Variants in ADAD2 observed in about 807,000 individuals in gnomAD.
ADAD2 encodes adenosine deaminase domain containing 2.
ADAD2 carries 60 observed loss-of-function variants against 54.5 expected under a neutral mutation model. The ratio of observed to expected loss-of-function variants is 1.10; its 90% confidence interval spans 0.89 to 1.36. The LOEUF (loss-of-function observed/expected upper bound fraction) is 1.36, where lower values mean the gene tolerates loss of function less well. Among genes scored for constraint, ADAD2 ranks in the 40% most tolerant of loss-of-function variants. ADAD2 has a pLI of 0.00. For synonymous variants in ADAD2, 543 were observed against 366.2 expected (o/e 1.48, Z -5.51); for missense variants, 1,103 against 801.3 (o/e 1.38, Z -4.54).
At position 84,191,613 on chromosome 16, in the gene ADAD2, G is replaced by A; in HGVS notation, c.383G>A (p.Gly128Asp). 2 of 1,553,984 alleles carry A rather than the reference G, an allele frequency of 1.3e-6. No individual in the cohort carries two copies. Among genetic ancestry groups the A allele is most frequent in the Non-Finnish European group, 8.7e-7 (1 of 1,149,102 alleles). The change falls in exon 1 of 10, where the codon GGC becomes GAC. Residue 128 changes from glycine to aspartate, a missense_variant. Transcript: ENST00000315906. ...SLLTEYAASL[G>D]IFLLFREDQP... ...CTCACGGAGTACGCGGCCAGCCTGG[G>A]CATCTTCCTGCTCTTCCGGGAGGAC...
intron 1 of ADAD2, chr16:84,191,889 A>T (rs554843955): frequency 7.8e-6 from 5 of 641,148 alleles, no homozygotes; most frequent in African/African-American, 1.8e-5. Context: ...GCAGGTGAAC[A>T]TTCTTCCCAC....
At chr16:84,193,972 T>A in intron 1 of ADAD2, 1 of 1,528,812 alleles carries the variant, frequency 6.5e-7, no homozygotes, top group Non-Finnish European at 8.8e-7. Context: ...TCTTTTGTGT[T>A]ATAAGTAACA....
At position 84,195,200 on chromosome 16, in the gene ADAD2, G is replaced by C. The variant is rs1358745785; in HGVS notation, c.733+6G>C. 6.2e-7 allele frequency: 1 copy of C among 1,612,190 alleles called. No individual in the cohort carries two copies. The highest frequency in any genetic ancestry group is 1.1e-5 in the South Asian group (1 of 91,004). ...TGGAGTCATCCTGGAGAGGGGTAGG[G>C]ATCGCCCCAGCCCTGGCCCTGGCCC... On this transcript the variant is annotated splice_donor_region_variant and intron_variant, in intron 4 of 9. Transcript: ENST00000315906.
rs745963777 is a variant in ADAD2 at position 84,194,449 on chromosome 16, C to T, written c.426C>T (p.Cys142=). ...ACCTGGCTCCTTCCCCAGGTCCCTG[C>T]TTCCCCTTCTCGGTGAGCGCGGAAC... ...LFREDQPPGP[C]FPFSVSAELD... is the part of the protein sequence containing the mutation. Residue 142 remains cysteine, a synonymous_variant, in exon 2 of 10, where the codon TGC becomes TGT. Transcript: ENST00000315906. The T allele has an allele frequency of 7.5e-6, 12 of 1,605,078 alleles. No individual in the cohort carries two copies. The Admixed American group carries it at 1.5e-4, about 20-fold the overall frequency.
intron 1 of ADAD2, chr16:84,193,770 C>G (rs1280553683): frequency 2.3e-6 from 1 of 437,656 alleles, no homozygotes; most frequent in African/African-American, 1.9e-5. Flanking sequence ...CCACGTCTGT[C>G]TGTGGTTGCT....
intron 1 of ADAD2, chr16:84,193,963 C>G (rs953208782): frequency 6.6e-7 from 1 of 1,509,698 alleles, no homozygotes; most frequent in Non-Finnish European, 8.9e-7. Context: ...TTTCATCTCT[C>G]TTTTGTGTTA....
Position 84,191,335 on chromosome 16 carries a change from A to C in ADAD2, c.105A>C (p.Leu35=), listed in dbSNP as rs1567610426. 1 of 1,578,730 alleles carries C rather than the reference A, an allele frequency of 6.3e-7. No homozygotes were observed. The highest frequency in any genetic ancestry group is 8.6e-7 in the Non-Finnish European group (1 of 1,163,546). ...ISPQPRPWRP[L]PAQAQSAWGP... ...CCCAGCCCCGCCCCTGGCGACCGCT[A>C]CCCGCCCAGGCCCAAAGTGCCTGGG... The change falls in exon 1 of 10, where the codon CTA becomes CTC. Residue 35 remains leucine (L), a synonymous_variant. Coordinates refer to ENST00000315906, the MANE Select transcript of ADAD2 (RefSeq NM_001145400.2).
rs1486979959 is a variant in ADAD2, at chr16:84,194,963, T to C, written c.590T>C (p.Leu197Pro). The C allele has an allele frequency of 1.2e-6, 2 of 1,612,368 alleles. No homozygotes were observed. Among genetic ancestry groups the C allele is most frequent in the Non-Finnish European group, 1.7e-6 (2 of 1,179,492 alleles). Residue 197 changes from leucine (L) to proline (P), a missense_variant, in exon 3 of 10, where the codon CTG becomes CCG. Physicochemically the swap from Leu to Pro is moderately conservative, Grantham distance 98. Coordinates refer to ENST00000315906, the MANE Select transcript of ADAD2 (RefSeq NM_001145400.2). ...ESPQTSSRPP[L>P]APLSVENILT... is the part of the protein sequence containing the mutation. ...CCCCAGACCTCCAGCCGGCCTCCACTGGCCCCCCTGAGCGTAGGTAGGTGA... is the reference window on the plus strand; with the variant it reads ...CCCCAGACCTCCAGCCGGCCTCCACCGGCCCCCCTGAGCGTAGGTAGGTGA...
rs751583457 is a variant in ADAD2, at chr16:84,196,364, A to T, written c.1520A>T (p.Lys507Met). 8 of 1,610,880 alleles carry T rather than the reference A, an allele frequency of 5.0e-6. No individual in the cohort carries two copies. The Admixed American group carries it at 1.3e-4, about 27-fold the overall frequency. The change falls in exon 8 of 10, where the codon AAG (lysine) becomes ATG (methionine). Residue 507 changes from lysine (K) to methionine (M), a missense_variant. Lys to Met is a moderately conservative substitution (Grantham distance 95). Transcript: ENST00000315906. ...EVVDVATGRV[K>M]ANAALGPPSR... Reference sequence around the variant, plus strand: ...GTGGATGTGGCCACCGGGCGTGTGAAGGCCAAGTGAGAAGGGCCCCCTGGG... The same window carrying T: ...GTGGATGTGGCCACCGGGCGTGTGATGGCCAAGTGAGAAGGGCCCCCTGGG...
Position 84,195,820 on chromosome 16 carries a change from C to A in ADAD2, c.1058C>A (p.Pro353His). ...TGTCCCCACCCGGCCCGCAGCCTGCCCCCCACCTCGGAAGGTGGCCTCCCG... is the reference window on the plus strand; with the variant it reads ...TGTCCCCACCCGGCCCGCAGCCTGCACCCCACCTCGGAAGGTGGCCTCCCG... ...PKGAARDIYL[P>H]PTSEGGLPHS... The change falls in exon 7 of 10, where the codon CCC becomes CAC. Residue 353 changes from proline (P) to histidine (H), a missense_variant. By Grantham distance (77) the Pro-to-His change is moderately conservative. Transcript: ENST00000315906. 2 of 1,603,424 alleles carry A rather than the reference C, an allele frequency of 1.2e-6. No individual in the cohort carries two copies. Among genetic ancestry groups the A allele is most frequent in the South Asian group, 1.1e-5 (1 of 90,602 alleles).
At position 84,196,654 on chromosome 16, in the gene ADAD2, C is replaced by A. The variant is rs2089734914; in HGVS notation, c.1534C>A (p.Leu512Met). Residue 512 changes from leucine to methionine, a missense_variant, in exon 9 of 10, where the codon CTG (leucine) becomes ATG (methionine). Coordinates refer to ENST00000315906, the MANE Select transcript of ADAD2 (RefSeq NM_001145400.2). ...TATCCTCTCTTCATCCAGTGCCGCC[C>A]TGGGGCCTCCCTCCCGTCTCTGCAA... is the stretch of plus-strand genomic sequence containing the variant. ...ATGRVKANAA[L>M]GPPSRLCKAS... The A allele has an allele frequency of 6.2e-7, 1 of 1,613,426 alleles. No homozygotes were observed. Among genetic ancestry groups the A allele is most frequent in the Non-Finnish European group, 8.5e-7 (1 of 1,179,938 alleles).
intron 1 of ADAD2, chr16:84,193,698 C>T (rs915300331): frequency 3.3e-5 from 9 of 275,238 alleles, no homozygotes; most frequent in Non-Finnish European, 4.8e-5. Flanking sequence ...GATGGTTCTC[C>T]CCAGATTCAG....
At position 84,195,946 on chromosome 16, in the gene ADAD2, C is replaced by T. The variant is rs1225930807; in HGVS notation, c.1184C>T (p.Ser395Leu). ...SLCDTHVGCL[S>L]ASDKLARWAV... ...TGTGACACCCACGTGGGCTGCCTGT[C>T]AGCCAGTGACAAGCTGGCACGCTGG... Residue 395 changes from serine (S) to leucine (L), a missense_variant, in exon 7 of 10, where the codon TCA (serine) becomes TTA (leucine). Ser to Leu is a moderately radical substitution (Grantham distance 145, BLOSUM62 -2). Coordinates refer to ENST00000315906, the MANE Select transcript of ADAD2 (RefSeq NM_001145400.2). 1 of 1,599,518 alleles carries T rather than the reference C, an allele frequency of 6.3e-7. No individual in the cohort carries two copies. Among genetic ancestry groups the T allele is most frequent in the Non-Finnish European group, 8.5e-7 (1 of 1,179,596 alleles).
At chr16:84,193,563 C>T (rs1263097553) in intron 1 of ADAD2, 1 of 156,726 alleles carries the variant, frequency 6.4e-6, no homozygotes, top group Non-Finnish European at 1.4e-5. Context: ...ACTAGGGTGG[C>T]ATCTACCAGG....
intron 8 of ADAD2, 91 bp downstream of exon 8, chr16:84,196,461 G>GCAACCCCTTCGCT (rs3217260): frequency 2.4e-5 from 35 of 1,438,932 alleles, no homozygotes; most frequent in East Asian, 1.4e-4. Flanking sequence ...TAATCCCAGC[G>GCAACCCCTTCGCT]CAACCCCTTC....
chr16:84,191,202 C>G lies in ADAD2; in HGVS notation c.-29C>G, dbSNP rs1243735150. 25 of 1,600,640 alleles carry G rather than the reference C, an allele frequency of 1.6e-5. No individual in the cohort carries two copies. Among genetic ancestry groups the G allele is most frequent in the Non-Finnish European group, 2.0e-5 (24 of 1,172,488 alleles). On this transcript the variant is annotated 5_prime_UTR_variant, in exon 1 of 10. Transcript: ENST00000315906. Reference sequence around the variant, plus strand: ...AGGGCGAGAGCAGCGCGAGATAGGGCCTAGCGCCTCAGATCTTCGTTGGCG... The same window carrying G: ...AGGGCGAGAGCAGCGCGAGATAGGGGCTAGCGCCTCAGATCTTCGTTGGCG...
At chr16:84,194,079 C>G in intron 1 of ADAD2, 1 of 1,613,706 alleles carries the variant, frequency 6.2e-7, no homozygotes, top group Non-Finnish European at 8.5e-7. Context: ...TGGAAGTGCT[C>G]AGAGCCTTCC....
Position 84,194,530 on chromosome 16 carries a change from G to T in ADAD2, c.507G>T (p.Gln169His). Residue 169 changes from glutamine to histidine, a missense_variant, in exon 2 of 10, where the codon CAG becomes CAT. Physicochemically the swap from Gln to His is conservative, Grantham distance 24. Transcript: ENST00000315906. ...GTANSKTEAKQQAALSALCYI... is the reference protein window; with the variant it reads ...GTANSKTEAKHQAALSALCYI... ...CGAATAGCAAGACGGAGGCCAAACA[G>T]CAGGCAGCGCTCTCTGCCCTCTGCT... 6.2e-7 allele frequency: 1 copy of T among 1,611,300 alleles called. No homozygotes were observed.
chr16:84,195,184 C>T lies in ADAD2; in HGVS notation c.723C>T (p.Ile241=), dbSNP rs751322234. 4.3e-6 allele frequency: 7 copies of T among 1,612,996 alleles called. No homozygotes were observed. The highest frequency in any genetic ancestry group is 5.1e-6 in the Non-Finnish European group (6 of 1,179,796). Residue 241 remains isoleucine (I), a synonymous_variant, in exon 4 of 10, where the codon ATC becomes ATT. Transcript: ENST00000315906. ...GTAAGGGGACTGTGGCTGGAGTCAT[C>T]CTGGAGAGGGGTAGGGATCGCCCCA... ...WACKGTVAGV[I]LEREIPRARG... is the part of the protein sequence containing the mutation.
Sources: allele counts gnomAD v4.1 joint callset, GRCh38; gene constraint gnomAD v4.1.1; transcripts MANE v1.5; gene names NCBI Gene and HGNC (gene_info 2026-07-23, HGNC 2026-07-21).